The following NFE2L2 variants were observed in gnomAD, a reference collection of about 807,000 sequenced individuals.
The protein encoded by NFE2L2 is nuclear factor erythroid 2-related factor 2.
A neutral mutation model predicts 49.6 loss-of-function variants in NFE2L2; 20 were observed. That is an observed-to-expected ratio of 0.40 (90% CI 0.28 to 0.59). The LOEUF is 0.59. Among genes scored for constraint, NFE2L2 ranks in the 20% least tolerant of loss-of-function variants. The pLI, the probability that NFE2L2 is intolerant of heterozygous loss-of-function variation, is 0.40. For synonymous variants in NFE2L2, 244 were observed against 256.5 expected, an observed-to-expected ratio of 0.95 and a Z score of 0.47; for missense variants, 578 against 714.2, an observed-to-expected ratio of 0.81 and a Z score of 2.17.
chr2:177,257,941 G>A (rs990742148), intron 1 of NFE2L2, among the ~76,000 whole-genome samples: 1 of 152,174 alleles, frequency 6.6e-6, no homozygotes, highest in African/African-American at 2.4e-5. Flanking sequence ...CTAGTCCCTG[G>A]TGCTAAAAAG....
intron 1 of NFE2L2, among the ~76,000 whole-genome samples, chr2:177,239,711 G>A (rs1689878029): frequency 6.6e-6 from 1 of 152,050 alleles, no homozygotes; most frequent in Non-Finnish European, 1.5e-5. Flanking sequence ...TTCTTGCTAT[G>A]AGAGGTCTCA....
intron 1 of NFE2L2, among the ~76,000 whole-genome samples, chr2:177,259,514 T>A (rs1313168700): frequency 6.6e-6 from 1 of 152,182 alleles, no homozygotes; most frequent in Non-Finnish European, 1.5e-5. Flanking sequence ...CTTAATATAC[T>A]TAATAATCAT....
intron 4 of NFE2L2, 191 bp downstream of exon 4, chr2:177,232,201 G>C: frequency 1.1e-6 from 1 of 891,018 alleles, no homozygotes; most frequent in Non-Finnish European, 1.7e-6. Flanking sequence ...AGAGTTCCCA[G>C]ATCAGACGTC....
At chr2:177,235,281 C>G (rs940779604) in intron 1 of NFE2L2, among the ~76,000 whole-genome samples, 5 of 150,650 alleles carry the variant, frequency 3.3e-5, no homozygotes, top group Non-Finnish European at 7.4e-5. Context: ...AAACAAACAA[C>G]AACAACAACA....
At chr2:177,264,210 C>T (rs757254882) in intron 1 of NFE2L2, 1 of 302,114 alleles carries the variant, frequency 3.3e-6, no homozygotes, top group Non-Finnish European at 6.1e-6. Context: ...TTAGGGGCTC[C>T]GGAGTCCCAG....
intron 1 of NFE2L2, among the ~76,000 whole-genome samples, chr2:177,253,969 A>T (rs1690429469): frequency 1.3e-5 from 2 of 152,202 alleles, no homozygotes; most frequent in Non-Finnish European, 2.9e-5. Context: ...TGATGGTCAG[A>T]AAAAGGATGA....
Position 177,231,184 on chromosome 2 carries a change from G to T in NFE2L2, c.1419C>A (p.Ile473=), listed in dbSNP as rs1689531439. Residue 473 remains isoleucine (I), a synonymous_variant, in exon 5 of 5, where the codon ATC becomes ATA. Transcript: ENST00000397062. The part of the protein sequence containing the change: ...ALHIPFPVEK[I]INLPVVDFNE... ...TGAAGTCAACAACAGGGAGGTTAAT[G>T]ATTTTTTCTACAGGGAATGGGATAT... The T allele has an allele frequency of 3.1e-6, 5 of 1,614,146 alleles. No homozygotes were observed. The highest frequency in any genetic ancestry group is 4.2e-6 in the Non-Finnish European group (5 of 1,180,014).
At chr2:177,235,356 C>T (rs1055456084) in intron 1 of NFE2L2, among the ~76,000 whole-genome samples, 7 of 151,726 alleles carry the variant, frequency 4.6e-5, no homozygotes, top group African/African-American at 1.7e-4. Flanking sequence ...AGGATCACTT[C>T]AGTCCAGGAG....
At chr2:177,241,102 T>C (rs757496955) in intron 1 of NFE2L2, among the ~76,000 whole-genome samples, 1 of 152,192 alleles carries the variant, frequency 6.6e-6, no homozygotes, top group Non-Finnish European at 1.5e-5. Context: ...AAATTAATTA[T>C]ACACACTACT....
chr2:177,257,703 C>G (rs564906918), intron 1 of NFE2L2, among the ~76,000 whole-genome samples: 17 of 152,324 alleles, frequency 1.1e-4, no homozygotes, highest in Non-Finnish European at 2.4e-4. Context: ...GGCCGCACAG[C>G]AGGAGGTGAG....
Position 177,231,019 on chromosome 2 carries a change from A to G in NFE2L2, c.1584T>C (p.Asp528=), listed in dbSNP as rs531558226. 6.2e-7 allele frequency: 1 copy of G among 1,612,824 alleles called. No individual in the cohort carries two copies. Among genetic ancestry groups the G allele is most frequent in the Admixed American group, 1.7e-5 (1 of 59,738 alleles). ...KLENIVELEQ[D]LDHLKDEKEK... ...CTTTTTCATCTTTCAAATGATCTAA[A>G]TCTTGCTCTAGTTCTACTATATTTT... Residue 528 remains aspartate, a synonymous_variant, in exon 5 of 5, where the codon GAT becomes GAC. Transcript: ENST00000397062.
At chr2:177,241,520 GA>G (rs1328662025) in intron 1 of NFE2L2, among the ~76,000 whole-genome samples, 12 of 152,140 alleles carry the variant, frequency 7.9e-5, no homozygotes, top group African/African-American at 2.9e-4. Context: ...AGAGCTATAT[GA>G]GGCTGCAAAA....
At chr2:177,254,502 G>A (rs1018917492) in intron 1 of NFE2L2, among the ~76,000 whole-genome samples, 19 of 152,168 alleles carry the variant, frequency 1.2e-4, no homozygotes, top group African/African-American at 3.6e-4. Context: ...CCACTGGGGC[G>A]GTTGTATCAC....
chr2:177,261,032 C>A (rs1423360495), intron 1 of NFE2L2, among the ~76,000 whole-genome samples: 1 of 151,584 alleles, frequency 6.6e-6, no homozygotes, highest in Non-Finnish European at 1.5e-5. Flanking sequence ...AAAAATTAGC[C>A]GGGCAGTGGG....
intron 3 of NFE2L2, 108 bp downstream of exon 3, chr2:177,233,141 GT>G (rs1187412235): frequency 1.1e-5 from 10 of 940,412 alleles, no homozygotes; most frequent in East Asian, 9.2e-5. Flanking sequence ...TCCTAAAAAT[GT>G]TTTTATTCTT....
At chr2:177,234,488 T>G (rs1233859685) in intron 1 of NFE2L2, among the ~76,000 whole-genome samples, 1 of 152,212 alleles carries the variant, frequency 6.6e-6, no homozygotes, top group Non-Finnish European at 1.5e-5. Context: ...TACAAACACA[T>G]AGCCATCCAT....
intron 1 of NFE2L2, among the ~76,000 whole-genome samples, chr2:177,250,332 T>C (rs1690289910): frequency 6.6e-6 from 1 of 152,234 alleles, no homozygotes; most frequent in South Asian, 2.1e-4. Context: ...TTTCAACTGC[T>C]TTCACATGTA....
chr2:177,258,006 T>A (rs1690590390), intron 1 of NFE2L2, among the ~76,000 whole-genome samples: 1 of 152,216 alleles, frequency 6.6e-6, no homozygotes, highest in Non-Finnish European at 1.5e-5. Context: ...CTCGTTAGAA[T>A]CCCCTCAGAA....
rs932537090 is a variant in NFE2L2, at chr2:177,230,609, A to C, written c.*176T>G. On this transcript the variant is annotated 3_prime_UTR_variant, in exon 5 of 5. Transcript: ENST00000397062. Reference sequence around the variant, plus strand: ...GTTTACAGTTAAAGTGAAACTACTGATTCAACATACTGACACTCCAATGCT... The same window carrying C: ...GTTTACAGTTAAAGTGAAACTACTGCTTCAACATACTGACACTCCAATGCT... 1 of 652,374 alleles carries C rather than the reference A, an allele frequency of 1.5e-6. No individual in the cohort carries two copies. 40.4% of individuals were successfully genotyped at this position (652,374 alleles called of 1,614,324 possible). A position where few individuals can be genotyped will look rare whatever the true frequency, so the allele number is the denominator to read the frequency against.
Sources: allele counts gnomAD v4.1 joint callset (sites outside exome capture counted in the v4.1 genomes callset), GRCh38; gene constraint gnomAD v4.1.1; transcripts MANE v1.5; gene names NCBI Gene and HGNC (gene_info 2026-07-23, HGNC 2026-07-21).